SRGAP1: variants seen among roughly 807,000 people sequenced by gnomAD.
The protein encoded by SRGAP1 is SLIT-ROBO Rho GTPase-activating protein 1.
A neutral mutation model predicts 121.9 loss-of-function variants in SRGAP1; 43 were observed. That is an observed-to-expected ratio of 0.35 (90% CI 0.28 to 0.46). SRGAP1 has a LOEUF of 0.46. SRGAP1 is among the 20% of genes least tolerant of loss of function. The probability of loss-of-function intolerance (pLI) is 1.00; values close to 1 mark genes in which losing one functional copy is unlikely to be tolerated. For missense variants in SRGAP1, 1,102 were observed against 1,350.9 expected, an observed-to-expected ratio of 0.82 and a Z score of 2.89; for synonymous variants, 447 against 485.4, an observed-to-expected ratio of 0.92 and a Z score of 1.04.
intron 1 of SRGAP1, among the ~76,000 whole-genome samples, chr12:63,918,657 T>C (rs1042316734): frequency 2.0e-5 from 3 of 152,222 alleles, no homozygotes; most frequent in Non-Finnish European, 2.9e-5. Flanking sequence ...GCTCAAGCAA[T>C]CTGCCTACCT....
intron 6 of SRGAP1, among the ~76,000 whole-genome samples, chr12:64,047,132 A>G (rs931381376): frequency 6.6e-6 from 1 of 152,232 alleles, no homozygotes; most frequent in Non-Finnish European, 1.5e-5. Flanking sequence ...TAAAATGTGA[A>G]CAATTCTCAA....
chr12:64,090,394 AATAACT>A (rs1300019304), intron 11 of SRGAP1, among the ~76,000 whole-genome samples: 2 of 152,218 alleles, frequency 1.3e-5, no homozygotes, highest in Non-Finnish European at 2.9e-5. Flanking sequence ...CTAAAGAAAT[AATAACT>A]CATGCGAGCC....
At chr12:64,003,106 G>T (rs2033958609) in intron 3 of SRGAP1, among the ~76,000 whole-genome samples, 1 of 151,464 alleles carries the variant, frequency 6.6e-6, no homozygotes, top group Non-Finnish European at 1.5e-5. Context: ...GAGGGAGAAA[G>T]GAAGGGTCTC....
chr12:64,140,493 TC>T (rs1180938092), intron 21 of SRGAP1, among the ~76,000 whole-genome samples: 1 of 151,630 alleles, frequency 6.6e-6, no homozygotes. Flanking sequence ...TATTTTATTC[TC>T]TTTGAAGCAA....
At chr12:64,035,499 T>A (rs1565650337) in intron 4 of SRGAP1, among the ~76,000 whole-genome samples, 1 of 152,166 alleles carries the variant, frequency 6.6e-6, no homozygotes, top group Non-Finnish European at 1.5e-5. Context: ...GGTGGATGAA[T>A]AAATAAAATC....
At chr12:64,045,670 G>A (rs765152383) in intron 6 of SRGAP1, among the ~76,000 whole-genome samples, 2 of 151,980 alleles carry the variant, frequency 1.3e-5, no homozygotes, top group Non-Finnish European at 1.5e-5. Flanking sequence ...TCCTGACCTC[G>A]TGATCCACCT....
Position 64,146,944 on chromosome 12 carries a change from C to T in SRGAP1, c.*4272C>T, listed in dbSNP as rs1451171738. The T allele has an allele frequency of 3.3e-5, 5 of 150,448 alleles. No individual in the cohort carries two copies. The highest frequency in any genetic ancestry group is 9.8e-5 in the African/African-American group (4 of 40,878). The allele number at this position is 150,448 out of a possible 1,614,324, so 9.3% of individuals were successfully genotyped here. Reference sequence around the variant, plus strand: ...GATGGATACCTGTGTCTTTAAATTACGTAGGGAATTTTGTATGTTTAAATA... The same window carrying T: ...GATGGATACCTGTGTCTTTAAATTATGTAGGGAATTTTGTATGTTTAAATA... On this transcript the variant is annotated 3_prime_UTR_variant, in exon 22 of 22. Coordinates refer to ENST00000355086, the MANE Select transcript of SRGAP1 (RefSeq NM_020762.4).
At chr12:63,919,436 C>G (rs1033640301) in intron 1 of SRGAP1, among the ~76,000 whole-genome samples, 3 of 146,644 alleles carry the variant, frequency 2.0e-5, no homozygotes, top group African/African-American at 7.4e-5. Context: ...TACCAAAGTG[C>G]TGGGATTACA....
chr12:63,970,558 T>A lies in SRGAP1; in HGVS notation c.68-13389T>A, dbSNP rs557750982. On this transcript the variant is annotated intron_variant, in intron 1 of 21. Coordinates refer to ENST00000355086, the MANE Select transcript of SRGAP1 (RefSeq NM_020762.4). ...GTAACTTTTCAAAGTAGTTTGCAAGTTGAATAGACCATAAAACAAATAAGA... is the reference window on the plus strand; with the variant it reads ...GTAACTTTTCAAAGTAGTTTGCAAGATGAATAGACCATAAAACAAATAAGA... Among the ~76,000 whole-genome samples, 77 of 152,340 alleles carry A rather than the reference T, an allele frequency of 5.1e-4. 1 individual carries two copies. The highest frequency in any genetic ancestry group is 1.8e-3 in the African/African-American group (73 of 41,582).
chr12:64,003,940 A>T (rs1375284605), intron 3 of SRGAP1, among the ~76,000 whole-genome samples: 2 of 152,224 alleles, frequency 1.3e-5, no homozygotes, highest in East Asian at 3.9e-4. Flanking sequence ...AAAGAAAAAA[A>T]TATTGAAAGC....
chr12:63,962,306 T>A (rs2032665523), intron 1 of SRGAP1, among the ~76,000 whole-genome samples: 1 of 152,232 alleles, frequency 6.6e-6, no homozygotes, highest in African/African-American at 2.4e-5. Context: ...CTATTTAAAT[T>A]CTAGTTTAAG....
At chr12:63,945,733 T>C (rs2032023705) in intron 1 of SRGAP1, among the ~76,000 whole-genome samples, 2 of 152,194 alleles carry the variant, frequency 1.3e-5, no homozygotes, top group South Asian at 2.1e-4. Context: ...GGAACTGAGA[T>C]GGCCCCAGCA....
Position 64,143,181 on chromosome 12 carries a change from T to C in SRGAP1, c.*509T>C, listed in dbSNP as rs1353856356. 1 of 158,328 alleles carries C rather than the reference T, an allele frequency of 6.3e-6. No individual in the cohort carries two copies. Among genetic ancestry groups the C allele is most frequent in the African/African-American group, 2.4e-5 (1 of 41,484 alleles). The allele number at this position is 158,328 out of a possible 1,614,324, so 9.8% of individuals were successfully genotyped here. A position where few individuals can be genotyped will look rare whatever the true frequency, so the allele number is the denominator to read the frequency against. On this transcript the variant is annotated 3_prime_UTR_variant, in exon 22 of 22. Coordinates refer to ENST00000355086, the MANE Select transcript of SRGAP1 (RefSeq NM_020762.4). ...TTTAGCTCATGCAAAAGACTTGCAA[T>C]TGTCTCCATGGGACGATCCCAGTGG...
At chr12:63,907,627 C>T (rs2030278699) in intron 1 of SRGAP1, among the ~76,000 whole-genome samples, 1 of 152,106 alleles carries the variant, frequency 6.6e-6, no homozygotes, top group Non-Finnish European at 1.5e-5. Context: ...TAGATATAAA[C>T]TCCTTGTCAG....
intron 21 of SRGAP1, among the ~76,000 whole-genome samples, chr12:64,138,641 A>C (rs1019567275): frequency 6.6e-6 from 1 of 151,414 alleles, no homozygotes; most frequent in Admixed American, 6.6e-5. Flanking sequence ...TGATTGATAT[A>C]TCTATTTTGA....
At chr12:64,056,056 C>A (rs2035334313) in intron 6 of SRGAP1, among the ~76,000 whole-genome samples, 1 of 142,914 alleles carries the variant, frequency 7.0e-6, no homozygotes, top group African/African-American at 2.5e-5. Context: ...ATCCTCCACA[C>A]ACATAACAAC....
Position 63,990,044 on chromosome 12 carries a change from G to A in SRGAP1, c.398G>A (p.Ser133Asn). The change falls in exon 3 of 22, where the codon AGT (serine) becomes AAT (asparagine). Residue 133 changes from serine to asparagine, a missense_variant. Physicochemically the swap from Ser to Asn is conservative, Grantham distance 46 (BLOSUM62 1). Around this residue, in one of 3 missense-constraint regions of SRGAP1, gnomAD observed 747 missense variants for 929.4 expected, o/e 0.80. Transcript: ENST00000355086. ...NNVIMRFMQI[S>N]EDSTRMFKKS... ...GTGATTATGCGGTTCATGCAGATAAGTGAGGATTCTACCAGGATGTTTAAA... is the reference window on the plus strand; with the variant it reads ...GTGATTATGCGGTTCATGCAGATAAATGAGGATTCTACCAGGATGTTTAAA... 1.2e-6 allele frequency: 2 copies of A among 1,611,200 alleles called. No individual in the cohort carries two copies. Among genetic ancestry groups the A allele is most frequent in the Non-Finnish European group, 1.7e-6 (2 of 1,179,130 alleles).
intron 4 of SRGAP1, among the ~76,000 whole-genome samples, chr12:64,041,411 G>T (rs905305925): frequency 2.7e-5 from 4 of 149,100 alleles, no homozygotes; most frequent in Non-Finnish European, 4.5e-5. Flanking sequence ...TTGAGGCAAG[G>T]TCTCACTCTG....
rs558248193 is a variant in SRGAP1 at position 64,044,674 on chromosome 12, C to CTTTTTTTTTTTTTT, written c.801+1111_801+1124dup. Among the ~76,000 whole-genome samples, 507 of 72,078 alleles carry CTTTTTTTTTTTTTT rather than the reference C, an allele frequency of 7.0e-3. 72 individuals are homozygous for CTTTTTTTTTTTTTT. The highest frequency in any genetic ancestry group is 0.01 in the Non-Finnish European group (350 of 34,654). The allele number at this position is 72,078 out of a possible 152,430, so 47.3% of individuals were successfully genotyped here. A position where few individuals can be genotyped will look rare whatever the true frequency, so the allele number is the denominator to read the frequency against. On this transcript the variant is annotated intron_variant, in intron 6 of 21. Coordinates refer to ENST00000355086, the MANE Select transcript of SRGAP1 (RefSeq NM_020762.4). ...AGCTTATTAACACTCTGATGTGCCT[C>CTTTTTTTTTTTTTT]TTTTTTTTTTTTTTTTTTTTTTTTT...
Sources: gnomAD v4.1 joint callset for allele counts (sites outside exome capture counted in the v4.1 genomes callset) on GRCh38, gnomAD v4.1.1 for gene constraint, gnomAD v4.1.1 regional missense constraint, MANE v1.5 for transcripts, NCBI Gene and HGNC (gene_info 2026-07-23, HGNC 2026-07-21) for gene names.